Variants in MAP3K20 observed in about 807,000 individuals in gnomAD.
MAP3K20 encodes HCCS-4.
A neutral mutation model predicts 85.7 loss-of-function variants in MAP3K20; 40 were observed. The ratio of observed to expected loss-of-function variants is 0.47; its 90% CI spans 0.36 to 0.61. The LOEUF is 0.61. Among genes scored for constraint, MAP3K20 ranks in the 20% least tolerant of loss-of-function variants. The probability of loss-of-function intolerance (pLI) is 0.00; values close to 1 mark genes in which losing one functional copy is unlikely to be tolerated. For synonymous variants in MAP3K20, 325 were observed against 327.7 expected (o/e 0.99, Z 0.09); for missense variants, 817 against 961.7 (o/e 0.85, Z 1.99).
chr2:173,205,151 C>T (rs554916389), intron 9 of MAP3K20, among the ~76,000 whole-genome samples: 1 of 148,786 alleles, frequency 6.7e-6, no homozygotes, highest in Non-Finnish European at 1.5e-5. Flanking sequence ...CATATTCTCA[C>T]AGATTAAAGA....
chr2:173,235,972 AAAGGGTCT>A (rs1234274223), intron 14 of MAP3K20, among the ~76,000 whole-genome samples: 2 of 151,984 alleles, frequency 1.3e-5, no homozygotes, highest in African/African-American at 2.4e-5. Context: ...TCGGTGGTCG[AAAGGGTCT>A]AAGGGCCAGG....
At chr2:173,218,205 T>C (rs1684133009) in intron 11 of MAP3K20, among the ~76,000 whole-genome samples, 1 of 152,226 alleles carries the variant, frequency 6.6e-6, no homozygotes, top group Non-Finnish European at 1.5e-5. Context: ...GTCTTAATCT[T>C]CATTAAGCAG....
intron 3 of MAP3K20, among the ~76,000 whole-genome samples, chr2:173,177,709 C>T (rs993579646): frequency 4.6e-5 from 7 of 151,926 alleles, no homozygotes; most frequent in Non-Finnish European, 7.4e-5. Flanking sequence ...GGATTACAGG[C>T]GTGAGCCACC....
At chr2:173,191,241 A>C (rs1690641054) in intron 7 of MAP3K20, 64 bp downstream of exon 7, 2 of 1,586,792 alleles carry the variant, frequency 1.3e-6, no homozygotes, top group East Asian at 4.5e-5. Context: ...TCAAAAGAAG[A>C]GAGATACAGT....
chr2:173,226,854 TTTA>T (rs1400556489), intron 11 of MAP3K20: 41 of 985,030 alleles, frequency 4.2e-5, no homozygotes, highest in Admixed American at 3.7e-4. Flanking sequence ...GCATTATCAC[TTTA>T]TTGTTTTTTT....
At chr2:173,170,563 C>G (rs893573697) in intron 3 of MAP3K20, among the ~76,000 whole-genome samples, 4 of 152,094 alleles carry the variant, frequency 2.6e-5, no homozygotes, top group Admixed American at 2.0e-4. Flanking sequence ...TAACTTTGAT[C>G]TTTATCTTGG....
chr2:173,076,078 C>T (rs1686845659), intron 1 of MAP3K20, 76 bp downstream of exon 1: 2 of 947,112 alleles, frequency 2.1e-6, no homozygotes, highest in South Asian at 4.9e-5. Context: ...GTCGTCCCTG[C>T]GTCTCGGGGC....
chr2:173,099,510 T>C (rs926661134), intron 2 of MAP3K20, among the ~76,000 whole-genome samples: 1 of 152,048 alleles, frequency 6.6e-6, no homozygotes, highest in Admixed American at 6.6e-5. Flanking sequence ...TTTTTTATTT[T>C]CTGACAGGAT....
At chr2:173,235,392 C>A (rs963242353) in intron 14 of MAP3K20, among the ~76,000 whole-genome samples, 2 of 152,170 alleles carry the variant, frequency 1.3e-5, no homozygotes, top group African/African-American at 4.8e-5. Context: ...CCACCTGGGA[C>A]CCCCTCCTCG....
At chr2:173,215,319 G>A (rs942228778) in intron 10 of MAP3K20, among the ~76,000 whole-genome samples, 2 of 152,166 alleles carry the variant, frequency 1.3e-5, no homozygotes, top group Non-Finnish European at 2.9e-5. Flanking sequence ...CTCACTGACT[G>A]AAGATGGCTC....
intron 2 of MAP3K20, among the ~76,000 whole-genome samples, chr2:173,146,664 G>T (rs575094545): frequency 1.4e-4 from 21 of 152,146 alleles, no homozygotes; most frequent in Non-Finnish European, 2.2e-4. Context: ...AAAACCATGT[G>T]GTCTTTGTAT....
At chr2:173,118,498 T>A (rs1011921656) in intron 2 of MAP3K20, among the ~76,000 whole-genome samples, 1 of 152,178 alleles carries the variant, frequency 6.6e-6, no homozygotes, top group Non-Finnish European at 1.5e-5. Flanking sequence ...GTGCATCTAA[T>A]TTTGATGCCT....
At chr2:173,088,445 G>A (rs1687201838) in intron 1 of MAP3K20, among the ~76,000 whole-genome samples, 1 of 152,154 alleles carries the variant, frequency 6.6e-6, no homozygotes, top group Non-Finnish European at 1.5e-5. Context: ...GAAGTTAATA[G>A]ATAATATCTA....
chr2:173,094,052 G>A (rs952533351), intron 2 of MAP3K20, among the ~76,000 whole-genome samples: 2 of 151,750 alleles, frequency 1.3e-5, no homozygotes, highest in Non-Finnish European at 2.9e-5. Flanking sequence ...TGACGAGTTA[G>A]TGGGTGCAGC....
chr2:173,088,791 A>G (rs1425813624), intron 1 of MAP3K20, among the ~76,000 whole-genome samples: 1 of 152,300 alleles, frequency 6.6e-6, no homozygotes, highest in Non-Finnish European at 1.5e-5. Flanking sequence ...ATTTTATACA[A>G]ATTTTGTTCT....
intron 11 of MAP3K20, chr2:173,225,217 C>A: frequency 1.1e-6 from 1 of 874,470 alleles, no homozygotes; most frequent in Non-Finnish European, 1.4e-6. Context: ...TTGGTTGTCA[C>A]AGCAACTGGG....
Position 173,170,898 on chromosome 2 carries a change from C to T in MAP3K20, c.247+1006C>T, listed in dbSNP as rs56200856. ...TCTCCACAGAAGCTCCTCTTCTATG[C>T]AAGCTAGGTTCTGGAAGGCTGTGAG... On this transcript the variant is annotated intron_variant, in intron 3 of 19. Coordinates refer to ENST00000375213, the MANE Select transcript of MAP3K20 (RefSeq NM_016653.3). 9.2e-3 allele frequency among the ~76,000 whole-genome samples: 1,396 copies of T among 152,288 alleles called. 25 individuals carry two copies. Among genetic ancestry groups the T allele is most frequent in the African/African-American group, 0.03 (1,241 of 41,548 alleles).
chr2:173,177,378 C>T (rs1690191065), intron 3 of MAP3K20, among the ~76,000 whole-genome samples: 1 of 150,758 alleles, frequency 6.6e-6, no homozygotes, highest in African/African-American at 2.4e-5. Context: ...GGAAAATTCC[C>T]AAATTTTGGA....
At chr2:173,120,051 CCT>C (rs1300938325) in intron 2 of MAP3K20, among the ~76,000 whole-genome samples, 2 of 152,160 alleles carry the variant, frequency 1.3e-5, no homozygotes, top group Non-Finnish European at 1.5e-5. Context: ...TGCCTTCTCT[CCT>C]CTTTCTTTCT....
Sources: gnomAD v4.1 joint callset for allele counts (sites outside exome capture counted in the v4.1 genomes callset) on GRCh38, gnomAD v4.1.1 for gene constraint, MANE v1.5 for transcripts, NCBI Gene and HGNC (gene_info 2026-07-23, HGNC 2026-07-21) for gene names.